Variants in PTPRQ observed in about 807,000 individuals in gnomAD.
PTPRQ encodes phosphatidylinositol phosphatase PTPRQ.
A neutral mutation model predicts 246.0 loss-of-function variants in PTPRQ; 199 were observed. The ratio of observed to expected loss-of-function variants is 0.81; its 90% CI spans 0.72 to 0.91. The LOEUF is 0.91. Ranked by LOEUF, PTPRQ falls within the 40% of genes least tolerant of loss-of-function variation. The pLI, the probability that PTPRQ is intolerant of heterozygous loss-of-function variation, is 0.00. For synonymous variants in PTPRQ, 869 were observed against 853.2 expected (o/e 1.02, Z -0.32); for missense variants, 2,624 against 2,528.4 (o/e 1.04, Z -0.81).
chr12:80,648,267 G>T (rs113832200), intron 35 of PTPRQ, among the ~76,000 whole-genome samples: 2 of 151,754 alleles, frequency 1.3e-5, no homozygotes, highest in South Asian at 2.1e-4. Flanking sequence ...TGTGCATGAC[G>T]TAAGTGTTAT....
chr12:80,632,413 C>A, intron 34 of PTPRQ, 122 bp downstream of exon 34: 1 of 1,346,776 alleles, frequency 7.4e-7, no homozygotes, highest in Non-Finnish European at 1.0e-6. Flanking sequence ...TTTTAATAGA[C>A]AGATAAAAAT....
chr12:80,488,670 T>A (rs947457169), intron 9 of PTPRQ, among the ~76,000 whole-genome samples: 52 of 152,022 alleles, frequency 3.4e-4, no homozygotes, highest in African/African-American at 1.2e-3. Flanking sequence ...CCCTTCATCA[T>A]CTTTTTTTGT....
rs906221449 is a variant in PTPRQ, at chr12:80,478,957, A to T, written c.1187-5476A>T. On this transcript the variant is annotated intron_variant, in intron 8 of 44. Transcript: ENST00000644991. ...ACCAAGTTGGAAAACACTCTGCAGG[A>T]TATTATCCAGGAGAACTTCCCCAAT... Among the ~76,000 whole-genome samples, 2 of 152,268 alleles carry T rather than the reference A, an allele frequency of 1.3e-5. 1 individual carries two copies. Among genetic ancestry groups the T allele is most frequent in the Middle Eastern group, 6.8e-3 (2 of 294 alleles).
At position 80,669,448 on chromosome 12, in the gene PTPRQ, A is replaced by T. The variant is rs1424271561; in HGVS notation, c.6437A>T (p.Asp2146Val). ...GTTCAAATAGATTGGACTATCAGGG[A>T]TCTGAAAATTGAAAGGGTAAAAAAA... ...EDVQIDWTIR[D>V]LKIERHGDCM... The change falls in exon 41 of 45, where the codon GAT (aspartate) becomes GTT (valine). Residue 2146 changes from aspartate (D) to valine (V), a missense_variant. Asp to Val is a radical substitution (Grantham distance 152, BLOSUM62 -3). Transcript: ENST00000644991. 2.6e-6 allele frequency: 4 copies of T among 1,545,336 alleles called. No individual in the cohort carries two copies. Among genetic ancestry groups the T allele is most frequent in the Admixed American group, 4.0e-5 (2 of 50,138 alleles).
Position 80,649,831 on chromosome 12 carries a change from C to T in PTPRQ, c.6024+162C>T, listed in dbSNP as rs759007296. ...TTTTGATAGTAATGTTACACTGGGCCGCCTCTGGTGCAACCTGATCAGAAT... is the reference window on the plus strand; with the variant it reads ...TTTTGATAGTAATGTTACACTGGGCTGCCTCTGGTGCAACCTGATCAGAAT... On this transcript the variant is annotated intron_variant, in intron 37 of 44. Transcript: ENST00000644991. Among the ~76,000 whole-genome samples the T allele has an allele frequency of 3.9e-5, 6 of 152,028 alleles. No homozygotes were observed. The East Asian group carries it at 9.6e-4, about 24-fold the overall frequency.
At chr12:80,633,199 A>G (rs1899507743) in intron 34 of PTPRQ, among the ~76,000 whole-genome samples, 1 of 152,242 alleles carries the variant, frequency 6.6e-6, no homozygotes, top group Admixed American at 6.5e-5. Flanking sequence ...GGCCACCTAC[A>G]TCTTTTAAAG....
chr12:80,503,696 T>C (rs527408335), intron 14 of PTPRQ, among the ~76,000 whole-genome samples: 103 of 151,966 alleles, frequency 6.8e-4, no homozygotes, highest in Admixed American at 1.9e-3. Flanking sequence ...GTTATTGTTC[T>C]ATGTACTCAA....
intron 25 of PTPRQ, among the ~76,000 whole-genome samples, chr12:80,559,452 A>C (rs1182593409): frequency 6.6e-6 from 1 of 152,108 alleles, no homozygotes; most frequent in Non-Finnish European, 1.5e-5. Context: ...GTGTCTATGG[A>C]TGTCTAATTG....
At chr12:80,657,243 A>G (rs1183193140) in intron 38 of PTPRQ, among the ~76,000 whole-genome samples, 2 of 151,876 alleles carry the variant, frequency 1.3e-5, no homozygotes, top group Non-Finnish European at 2.9e-5. Context: ...AAACATAAGG[A>G]AAGAAGCTCA....
At chr12:80,554,004 A>G (rs1394486763) in intron 25 of PTPRQ, among the ~76,000 whole-genome samples, 1 of 152,016 alleles carries the variant, frequency 6.6e-6, no homozygotes, top group Non-Finnish European at 1.5e-5. Flanking sequence ...GGCAGCCAAA[A>G]ACTAAAACAA....
intron 17 of PTPRQ, among the ~76,000 whole-genome samples, chr12:80,533,776 G>T (rs1374835639): frequency 6.6e-6 from 1 of 151,898 alleles, no homozygotes; most frequent in East Asian, 1.9e-4. Context: ...CTCTAATTAT[G>T]AACATCATAT....
intron 22 of PTPRQ, 51 bp downstream of exon 22, chr12:80,542,415 C>T (rs1896183449): frequency 6.6e-7 from 1 of 1,504,740 alleles, no homozygotes; most frequent in South Asian, 1.3e-5. Flanking sequence ...GCAGCGCCTG[C>T]TCTCTCTTTT....
At chr12:80,510,510 GC>G (rs1895094847) in intron 17 of PTPRQ, 67 bp downstream of exon 17, 4 of 1,348,094 alleles carry the variant, frequency 3.0e-6, no homozygotes, top group Non-Finnish European at 3.9e-6. Flanking sequence ...TAGGAATGTA[GC>G]TTTTAGATTT....
intron 30 of PTPRQ, among the ~76,000 whole-genome samples, 155 bp downstream of exon 30, chr12:80,616,421 A>T (rs1232575443): frequency 1.3e-5 from 2 of 151,016 alleles, no homozygotes; most frequent in Non-Finnish European, 3.0e-5. Context: ...TTAAAGCTAT[A>T]GTTAAAAACG....
Position 80,454,773 on chromosome 12 carries a change from G to A in PTPRQ, c.391-2802G>A, listed in dbSNP as rs929798076. Among the ~76,000 whole-genome samples, 297 of 152,194 alleles carry A rather than the reference G, an allele frequency of 2.0e-3. 4 individuals carry two copies. Among genetic ancestry groups the A allele is most frequent in the African/African-American group, 6.7e-3 (278 of 41,534 alleles). On this transcript the variant is annotated intron_variant, in intron 3 of 44. Coordinates refer to ENST00000644991, the MANE Select transcript of PTPRQ (RefSeq NM_001145026.2). ...AAAAATATTGAAAAAAAAACTTTAAGTTTAATAAAAAAGTAGAATATTTTT... is the reference window on the plus strand; with the variant it reads ...AAAAATATTGAAAAAAAAACTTTAAATTTAATAAAAAAGTAGAATATTTTT...
chr12:80,527,094 C>T (rs976135098), intron 17 of PTPRQ, among the ~76,000 whole-genome samples: 1 of 152,014 alleles, frequency 6.6e-6, no homozygotes. Flanking sequence ...TTCTACAACA[C>T]ATGGCAAACT....
intron 19 of PTPRQ, among the ~76,000 whole-genome samples, chr12:80,539,205 C>G (rs1225813022): frequency 6.6e-6 from 1 of 152,008 alleles, no homozygotes; most frequent in East Asian, 1.9e-4. Context: ...TTCTCTTACT[C>G]TACACATCAG....
chr12:80,609,363 A>G (rs1476243966), intron 27 of PTPRQ, among the ~76,000 whole-genome samples: 1 of 150,580 alleles, frequency 6.6e-6, no homozygotes, highest in African/African-American at 2.4e-5. Context: ...CAAACAAAAA[A>G]TATTTCAAAG....
At position 80,632,200 on chromosome 12, in the gene PTPRQ, C is replaced by A; in HGVS notation, c.5695C>A (p.Leu1899Ile). Residue 1899 changes from leucine (L) to isoleucine (I), a missense_variant, in exon 34 of 45, where the codon CTT becomes ATT. Coordinates refer to ENST00000644991, the MANE Select transcript of PTPRQ (RefSeq NM_001145026.2). ...TTATCCCTCTTCTCCAGGGGAAGGA[C>A]TTTCAGAAAGAACCGTAGAGATCAT... ...SDPVKTLGEG[L>I]SERTVEIILS... is the part of the protein sequence containing the mutation. 6.4e-7 allele frequency: 1 copy of A among 1,550,996 alleles called. No homozygotes were observed. Among genetic ancestry groups the A allele is most frequent in the Non-Finnish European group, 8.7e-7 (1 of 1,146,690 alleles).
Sources: gnomAD v4.1 joint callset for allele counts (sites outside exome capture counted in the v4.1 genomes callset) on GRCh38, gnomAD v4.1.1 for gene constraint, MANE v1.5 for transcripts, NCBI Gene and HGNC (gene_info 2026-07-23, HGNC 2026-07-21) for gene names.